Variants in ANKMY1 observed in about 807,000 individuals in gnomAD.
The protein encoded by ANKMY1 is ankyrin repeat and MYND domain-containing protein 1.
In ANKMY1, 98 loss-of-function variants were observed where a neutral mutation model predicts 102.0. The ratio of observed to expected loss-of-function variants is 0.96; its 90% CI spans 0.82 to 1.14. ANKMY1 has a LOEUF of 1.14. ANKMY1 is among the 50% of genes most tolerant of loss of function. ANKMY1 has a pLI of 0.00. For missense variants in ANKMY1, 1,330 were observed against 1,347.6 expected, an observed-to-expected ratio of 0.99 and a Z score of 0.20; for synonymous variants, 582 against 559.9, an observed-to-expected ratio of 1.04 and a Z score of -0.56.
At chr2:240,547,131 T>G (rs2090550726) in intron 4 of ANKMY1, among the ~76,000 whole-genome samples, 1 of 152,060 alleles carries the variant, frequency 6.6e-6, no homozygotes, top group Non-Finnish European at 1.5e-5. Context: ...CCTCAGCAAA[T>G]GTAAAAGAAC....
chr2:240,523,774 C>A lies in ANKMY1; in HGVS notation c.1832+111G>T. The stretch of plus-strand genomic sequence containing the variant: ...GATGCTCACACATTCAGACACACAT[C>A]TCCAGACACAACGCCTCCCACTGGC... On this transcript the variant is annotated intron_variant, in intron 8 of 17. Coordinates refer to ENST00000401804, the MANE Select transcript of ANKMY1 (RefSeq NM_001282771.3). 6 of 1,462,852 alleles carry A rather than the reference C, an allele frequency of 4.1e-6. No homozygotes were observed. In the South Asian group the frequency reaches 5.4e-5, roughly 13 times the overall value. The allele number at this position is 1,462,852 out of a possible 1,614,324, so 90.6% of individuals were successfully genotyped here. A position where few individuals can be genotyped will look rare whatever the true frequency, so the allele number is the denominator to read the frequency against.
At chr2:240,555,585 T>C (rs1026290325) in intron 2 of ANKMY1, 2 of 159,460 alleles carry the variant, frequency 1.3e-5, no homozygotes, top group African/African-American at 4.8e-5. Context: ...CTGGGGAGTA[T>C]GCTGCAACAG....
intron 9 of ANKMY1, chr2:240,519,771 G>A (rs2081833341): frequency 5.0e-6 from 1 of 201,142 alleles, no homozygotes; most frequent in Non-Finnish European, 1.1e-5. Flanking sequence ...CGAAGAACTA[G>A]CAGGCTAATT....
At chr2:240,482,818 G>A (rs1574861701) in intron 15 of ANKMY1, among the ~76,000 whole-genome samples, 2 of 152,220 alleles carry the variant, frequency 1.3e-5, no homozygotes, top group East Asian at 1.9e-4. Context: ...TAATAGGCTT[G>A]TATGGTTCAA....
chr2:240,475,524 T>G (rs2074796612), downstream of ANKMY1, among the ~76,000 whole-genome samples: 1 of 152,100 alleles, frequency 6.6e-6, no homozygotes. Context: ...GAACCTTGCT[T>G]AAATACTTAA....
At chr2:240,517,991 G>A (rs550483531) in intron 9 of ANKMY1, among the ~76,000 whole-genome samples, 44 of 151,918 alleles carry the variant, frequency 2.9e-4, no homozygotes, top group Non-Finnish European at 3.4e-4. Context: ...TTGGGAAGCC[G>A]CAGGGACACC....
At position 240,515,819 on chromosome 2, in the gene ANKMY1, A is replaced by G. The variant is rs578038224; in HGVS notation, c.2005-2877T>C. Among the ~76,000 whole-genome samples the G allele has an allele frequency of 2.2e-4, 34 of 151,462 alleles. No individual in the cohort carries two copies. The South Asian group carries it at 6.3e-3, about 28-fold the overall frequency. ...TGCAAGCTCCTCCTCCCAGGTTCAC[A>G]CCATTCTCCTGCCTCAGCCTCCCGA... On this transcript the variant is annotated intron_variant, in intron 9 of 17. Transcript: ENST00000401804.
chr2:240,546,974 T>G (rs1383816872), intron 4 of ANKMY1, among the ~76,000 whole-genome samples: 1 of 152,062 alleles, frequency 6.6e-6, no homozygotes, highest in African/African-American at 2.4e-5. Flanking sequence ...TCAACAAGGA[T>G]ACCCAGGAAT....
At position 240,482,272 on chromosome 2, in the gene ANKMY1, G is replaced by A; in HGVS notation, c.2807-11C>T. 3 of 1,609,358 alleles carry A rather than the reference G, an allele frequency of 1.9e-6. No individual in the cohort carries two copies. The highest frequency in any genetic ancestry group is 2.5e-6 in the Non-Finnish European group (3 of 1,178,082). On this transcript the variant is annotated splice_polypyrimidine_tract_variant and intron_variant, in intron 15 of 17. Coordinates refer to ENST00000401804, the MANE Select transcript of ANKMY1 (RefSeq NM_001282771.3). ...TGGGGATCAGCTCCGCTGCATGAGA[G>A]AGGGTCCCGCATTAGTACCCACGTG...
Position 240,480,919 on chromosome 2 carries a change from G to T in ANKMY1, c.3046+18C>A, listed in dbSNP as rs2075305991. On this transcript the variant is annotated intron_variant, in intron 17 of 17. Coordinates refer to ENST00000401804, the MANE Select transcript of ANKMY1 (RefSeq NM_001282771.3). ...GCAGCAGCGGAACCCTTGCCTCCCAGCCTGAGGGCCGACCTACCGATGGCC... is the reference window on the plus strand; with the variant it reads ...GCAGCAGCGGAACCCTTGCCTCCCATCCTGAGGGCCGACCTACCGATGGCC... 11 of 1,599,478 alleles carry T rather than the reference G, an allele frequency of 6.9e-6. No individual in the cohort carries two copies. The highest frequency in any genetic ancestry group is 9.4e-6 in the Non-Finnish European group (11 of 1,168,614).
intron 4 of ANKMY1, among the ~76,000 whole-genome samples, chr2:240,541,415 C>G (rs933732546): frequency 6.6e-6 from 1 of 151,484 alleles, no homozygotes; most frequent in African/African-American, 2.4e-5. Context: ...TTTTGTAATA[C>G]TTTTTGGCCC....
At chr2:240,474,059 G>A in the ANKMY1 span, among the ~76,000 whole-genome samples, 2 of 151,648 alleles carry the variant, frequency 1.3e-5, no homozygotes, top group African/African-American at 2.4e-5. Flanking sequence ...ACATCAGAAA[G>A]GAGGAAGTTA....
chr2:240,551,575 G>C (rs2091531798), intron 4 of ANKMY1, among the ~76,000 whole-genome samples: 1 of 152,170 alleles, frequency 6.6e-6, no homozygotes, highest in African/African-American at 2.4e-5. Flanking sequence ...TTTGCAAGTA[G>C]GTTGTCCTAC....
At chr2:240,525,251 C>T (rs1312913522) in intron 7 of ANKMY1, among the ~76,000 whole-genome samples, 1 of 152,254 alleles carries the variant, frequency 6.6e-6, no homozygotes, top group Non-Finnish European at 1.5e-5. Flanking sequence ...TCTTCCTTGG[C>T]AATACTTGGC....
At chr2:240,514,369 C>G (rs2080812579) in intron 9 of ANKMY1, among the ~76,000 whole-genome samples, 1 of 152,070 alleles carries the variant, frequency 6.6e-6, no homozygotes, top group African/African-American at 2.4e-5. Context: ...CAGCTCTGAC[C>G]CAGTGCTAAG....
chr2:240,521,439 T>C (rs1185457567), intron 8 of ANKMY1, among the ~76,000 whole-genome samples: 1 of 151,656 alleles, frequency 6.6e-6, no homozygotes, highest in African/African-American at 2.4e-5. Context: ...TCTGGTGGGT[T>C]GTTGGTCTCG....
At chr2:240,469,412 C>T in the ANKMY1 span, among the ~76,000 whole-genome samples, 3 of 152,210 alleles carry the variant, frequency 2.0e-5, no homozygotes. Context: ...AGACCCCTTC[C>T]AGCCAGGGCT....
intron 2 of ANKMY1, 103 bp downstream of exon 2, chr2:240,557,086 AG>A (rs1186123177): frequency 1.3e-5 from 16 of 1,251,674 alleles, no homozygotes; most frequent in Admixed American, 3.0e-5. Context: ...TTTCTCAGGG[AG>A]TAACACAGTT....
At chr2:240,481,445 T>G (rs1219963237) in intron 16 of ANKMY1, among the ~76,000 whole-genome samples, 1 of 152,172 alleles carries the variant, frequency 6.6e-6, no homozygotes, top group Non-Finnish European at 1.5e-5. Context: ...TAGGGAAATG[T>G]CTGTGGTACA....
Sources: allele counts gnomAD v4.1 joint callset (sites outside exome capture counted in the v4.1 genomes callset), GRCh38; gene constraint gnomAD v4.1.1; transcripts MANE v1.5; gene names NCBI Gene and HGNC (gene_info 2026-07-23, HGNC 2026-07-21).